AOAH: variants seen among roughly 807,000 people sequenced by gnomAD.
AOAH encodes acyloxyacyl hydrolase.
In AOAH, 64 loss-of-function variants were observed where a neutral mutation model predicts 92.2. That is an observed-to-expected ratio of 0.69 (90% CI 0.57 to 0.86). AOAH has a LOEUF of 0.86. Among genes scored for constraint, AOAH ranks in the 40% least tolerant of loss-of-function variants. The pLI, the probability that AOAH is intolerant of heterozygous loss-of-function variation, is 0.00. For synonymous variants in AOAH, 263 were observed against 254.5 expected (o/e 1.03, Z -0.32); for missense variants, 656 against 694.6 (o/e 0.94, Z 0.62).
In AOAH at chr7:36,534,612, G is replaced by T. The variant is rs138946686; in HGVS notation, c.1307-2268C>A. Among the ~76,000 whole-genome samples the T allele has an allele frequency of 9.2e-3, 1,402 of 152,296 alleles. 39 individuals carry two copies. The highest frequency in any genetic ancestry group is 9.4e-3 in the Non-Finnish European group (637 of 68,014). ...ACTTTCTGCTTTATTGGCAATATCA[G>T]TTGGTCCCCCACTCTTTCTTTTTAA... On this transcript the variant is annotated intron_variant, in intron 16 of 20. Transcript: ENST00000617537.
chr7:36,523,629 G>GGTTTTTTTTTTT (rs759621905), intron 19 of AOAH, among the ~76,000 whole-genome samples: 2 of 100,138 alleles, frequency 2.0e-5, no homozygotes, highest in African/African-American at 8.1e-5. Flanking sequence ...TGTTTTGCCT[G>GGTTTTTTTTTTT]TTTTTTTTTT....
At chr7:36,549,505 A>C (rs764206288) in intron 13 of AOAH, 30 bp from the exon 14 acceptor site, 1 of 1,485,364 alleles carries the variant, frequency 6.7e-7, no homozygotes, top group Non-Finnish European at 9.3e-7. Context: ...AAAACAATTA[A>C]AGTTAGTGAG....
At chr7:36,569,477 C>G (rs1787945011) in intron 13 of AOAH, among the ~76,000 whole-genome samples, 1 of 113,346 alleles carries the variant, frequency 8.8e-6, no homozygotes. Context: ...AAAAATCTAT[C>G]TATCTATCTA....
intron 4 of AOAH, among the ~76,000 whole-genome samples, chr7:36,645,149 T>C (rs1794145521): frequency 6.6e-6 from 1 of 152,168 alleles, no homozygotes; most frequent in Admixed American, 6.5e-5. Context: ...AATTCTTGGA[T>C]TGAAACCTGA....
intron 20 of AOAH, among the ~76,000 whole-genome samples, chr7:36,515,661 C>G (rs1583701744): frequency 7.4e-6 from 1 of 134,906 alleles, no homozygotes; most frequent in African/African-American, 2.8e-5. Context: ...CACACACACA[C>G]CACACCCCTC....
chr7:36,586,807 A>G (rs1789363857), intron 12 of AOAH, among the ~76,000 whole-genome samples: 1 of 152,182 alleles, frequency 6.6e-6, no homozygotes, highest in African/African-American at 2.4e-5. Flanking sequence ...ATTACATGTT[A>G]ACTTGTCACT....
At chr7:36,713,207 C>G (rs968022810) in intron 1 of AOAH, among the ~76,000 whole-genome samples, 1 of 152,076 alleles carries the variant, frequency 6.6e-6, no homozygotes, top group Admixed American at 6.6e-5. Flanking sequence ...AGACTTTAAA[C>G]CAACATAGAT....
intron 1 of AOAH, among the ~76,000 whole-genome samples, chr7:36,697,925 C>T (rs1797819537): frequency 6.6e-6 from 1 of 152,064 alleles, no homozygotes. Context: ...AGCTGTAAGA[C>T]AAGGAATGTG....
chr7:36,595,281 C>CCCAG (rs1262593391), intron 11 of AOAH, among the ~76,000 whole-genome samples: 22 of 152,322 alleles, frequency 1.4e-4, no homozygotes, highest in African/African-American at 4.8e-4. Context: ...TGCCAGTAAT[C>CCCAG]CCAGCACTTT....
intron 13 of AOAH, among the ~76,000 whole-genome samples, chr7:36,561,630 A>T (rs1364953660): frequency 6.6e-6 from 1 of 152,114 alleles, no homozygotes; most frequent in African/African-American, 2.4e-5. Context: ...TCTTATTTTC[A>T]GTGAGATAAT....
chr7:36,532,365 G>C lies in AOAH; in HGVS notation c.1307-21C>G, dbSNP rs973347702. 8.1e-6 allele frequency: 13 copies of C among 1,612,422 alleles called. No individual in the cohort carries two copies. The Admixed American group carries it at 1.8e-4, about 23-fold the overall frequency. On this transcript the variant is annotated intron_variant, in intron 16 of 20. Coordinates refer to ENST00000617537, the MANE Select transcript of AOAH (RefSeq NM_001637.4). The stretch of plus-strand genomic sequence containing the variant: ...CTGGCCTGGAAAACAGAGAGGTCTG[G>C]TAGATTGCATCCACTCGGCAATAGC...
intron 1 of AOAH, 45 bp downstream of exon 1, chr7:36,723,977 A>C: frequency 1.9e-6 from 3 of 1,591,298 alleles, no homozygotes; most frequent in Non-Finnish European, 2.6e-6. Context: ...ACTGGATCCC[A>C]TTGTTATGTC....
chr7:36,678,105 A>G (rs890729476), intron 2 of AOAH, among the ~76,000 whole-genome samples: 1 of 152,248 alleles, frequency 6.6e-6, no homozygotes, highest in African/African-American at 2.4e-5. Context: ...ACTGTACAGT[A>G]TGTGAATTGT....
intron 20 of AOAH, among the ~76,000 whole-genome samples, chr7:36,519,631 T>C (rs1784008180): frequency 6.6e-6 from 1 of 152,228 alleles, no homozygotes; most frequent in African/African-American, 2.4e-5. Flanking sequence ...GGTTTCTGCA[T>C]GTTGGTCAGG....
chr7:36,520,165 A>G (rs893704018), intron 20 of AOAH, among the ~76,000 whole-genome samples: 1 of 152,234 alleles, frequency 6.6e-6, no homozygotes, highest in Non-Finnish European at 1.5e-5. Flanking sequence ...TAAGTACAAG[A>G]TAGAGGCCCA....
intron 20 of AOAH, 70 bp downstream of exon 20, chr7:36,521,969 T>C (rs2115831165): frequency 7.8e-7 from 1 of 1,286,470 alleles, no homozygotes; most frequent in African/African-American, 1.5e-5. Context: ...AACACATGAA[T>C]GTGTAACCAT....
intron 4 of AOAH, among the ~76,000 whole-genome samples, chr7:36,639,996 TG>T (rs1793791428): frequency 6.6e-6 from 1 of 152,198 alleles, no homozygotes; most frequent in African/African-American, 2.4e-5. Context: ...AAACAGGATG[TG>T]GCAAGTGCTG....
chr7:36,573,549 C>T (rs2116609214), intron 13 of AOAH, among the ~76,000 whole-genome samples: 1 of 152,256 alleles, frequency 6.6e-6, no homozygotes, highest in Admixed American at 6.5e-5. Context: ...GAAACCCTGT[C>T]TCTACTAAAA....
intron 11 of AOAH, among the ~76,000 whole-genome samples, chr7:36,599,153 C>T (rs1323188891): frequency 2.0e-5 from 3 of 152,128 alleles, no homozygotes; most frequent in African/African-American, 4.8e-5. Flanking sequence ...TTTCATTTAA[C>T]GTTTCCCTGT....
Sources: gnomAD v4.1 joint callset for allele counts (sites outside exome capture counted in the v4.1 genomes callset) on GRCh38, gnomAD v4.1.1 for gene constraint, MANE v1.5 for transcripts, NCBI Gene and HGNC (gene_info 2026-07-23, HGNC 2026-07-21) for gene names.